Variants in SCN10A observed in about 807,000 individuals in gnomAD.
SCN10A encodes the protein sodium voltage-gated channel alpha subunit 10.
SCN10A carries 162 observed loss-of-function variants against 170.7 expected under a neutral mutation model. That is an observed-to-expected ratio of 0.95 (90% confidence interval 0.84 to 1.08). SCN10A has a LOEUF of 1.08. SCN10A is among the 50% of genes least tolerant of loss of function. The probability of loss-of-function intolerance (pLI) is 0.00; values close to 1 mark genes in which losing one functional copy is unlikely to be tolerated. For missense variants in SCN10A, 2,527 were observed against 2,436.9 expected, an observed-to-expected ratio of 1.04 and a Z score of -0.78; for synonymous variants, 985 against 904.6, an observed-to-expected ratio of 1.09 and a Z score of -1.59.
intron 15 of SCN10A, among the ~76,000 whole-genome samples, chr3:38,731,567 G>T (rs764816927): frequency 4.6e-5 from 7 of 152,164 alleles, no homozygotes; most frequent in Non-Finnish European, 1.0e-4. Context: ...ATAGCAGATA[G>T]GTAAAGAAAC....
chr3:38,746,942 G>C (rs192482373), intron 13 of SCN10A, among the ~76,000 whole-genome samples: 2 of 152,262 alleles, frequency 1.3e-5, no homozygotes, highest in East Asian at 3.9e-4. Flanking sequence ...AACTCCTGTT[G>C]GTTTGGGCCA....
At chr3:38,714,445 A>C (rs949141774) in intron 21 of SCN10A, among the ~76,000 whole-genome samples, 1 of 152,174 alleles carries the variant, frequency 6.6e-6, no homozygotes, top group Non-Finnish European at 1.5e-5. Context: ...ACTTGGAGAC[A>C]TGATGTTCCC....
intron 4 of SCN10A, among the ~76,000 whole-genome samples, chr3:38,772,796 C>T (rs28523323): frequency 2.0e-5 from 3 of 151,326 alleles, no homozygotes; most frequent in Admixed American, 6.6e-5. Context: ...AGAGGCTCCA[C>T]GTATAGAACA....
intron 23 of SCN10A, among the ~76,000 whole-genome samples, chr3:38,711,835 A>G (rs2063277180): frequency 6.6e-6 from 1 of 152,240 alleles, no homozygotes; most frequent in Non-Finnish European, 1.5e-5. Context: ...AAATGATGTG[A>G]AGTTGAAGAC....
At chr3:38,720,427 G>T (rs2063378031) in intron 20 of SCN10A, among the ~76,000 whole-genome samples, 1 of 152,218 alleles carries the variant, frequency 6.6e-6, no homozygotes, top group African/African-American at 2.4e-5. Context: ...ATGTTTTCAA[G>T]TGAGTTTCTC....
chr3:38,699,338 C>T (rs908334550), intron 27 of SCN10A, among the ~76,000 whole-genome samples: 11 of 151,900 alleles, frequency 7.2e-5, no homozygotes, highest in African/African-American at 1.2e-4. Context: ...GTATATGTCC[C>T]TCTATATGAT....
intron 12 of SCN10A, among the ~76,000 whole-genome samples, chr3:38,750,390 C>G (rs1254467574): frequency 6.6e-6 from 1 of 152,204 alleles, no homozygotes; most frequent in Non-Finnish European, 1.5e-5. Context: ...ATGCTATAGC[C>G]TTCTATACAT....
chr3:38,721,993 C>A (rs906209917), intron 20 of SCN10A, among the ~76,000 whole-genome samples: 3 of 152,148 alleles, frequency 2.0e-5, no homozygotes, highest in Admixed American at 2.0e-4. Context: ...TCAGTTTCCC[C>A]ATCTATATAG....
rs1261544821 is a variant in SCN10A, at chr3:38,727,026, T to C, written c.2667A>G (p.Leu889=). 2.5e-6 allele frequency: 4 copies of C among 1,612,542 alleles called. No homozygotes were observed. Among genetic ancestry groups the C allele is most frequent in the East Asian group, 2.2e-5 (1 of 44,822 alleles). Residue 889 remains leucine (L), a synonymous_variant, in exon 17 of 28, where the codon CTA becomes CTG. Coordinates refer to ENST00000449082, the MANE Select transcript of SCN10A (RefSeq NM_006514.4). ...GGTTGTCAGCACTGAAAGAGTTCAA[T>C]AGCAGGGCGATGAACAGGTTAAGCA... The part of the protein sequence containing the change: ...LVVLNLFIAL[L]LNSFSADNLT...
chr3:38,774,008 G>GT (rs879285503), intron 4 of SCN10A, among the ~76,000 whole-genome samples: 15 of 151,984 alleles, frequency 9.9e-5, no homozygotes, highest in South Asian at 4.2e-4. Context: ...TGAAATTGCT[G>GT]TTTTTTTTGT....
intron 1 of SCN10A, among the ~76,000 whole-genome samples, chr3:38,812,610 C>T (rs1233014668): frequency 6.6e-6 from 1 of 152,104 alleles, no homozygotes; most frequent in East Asian, 1.9e-4. Flanking sequence ...CCAGTGGCTA[C>T]CCCTCTCCTG....
chr3:38,776,295 T>C (rs1484691580), intron 4 of SCN10A, among the ~76,000 whole-genome samples: 4 of 152,128 alleles, frequency 2.6e-5, no homozygotes, highest in African/African-American at 9.6e-5. Context: ...GGCCATTCAT[T>C]ACTTACATTG....
chr3:38,711,290 A>G (rs2063271322), intron 23 of SCN10A, among the ~76,000 whole-genome samples: 1 of 152,224 alleles, frequency 6.6e-6, no homozygotes, highest in South Asian at 2.1e-4. Context: ...AGAATGGTAT[A>G]TCTTCCAGAT....
intron 4 of SCN10A, among the ~76,000 whole-genome samples, chr3:38,771,683 T>G (rs1164540635): frequency 6.6e-6 from 1 of 152,186 alleles, no homozygotes; most frequent in African/African-American, 2.4e-5. Context: ...CAGAGGGCAG[T>G]AGCGGGTGAA....
chr3:38,755,994 T>G (rs1236202581), intron 10 of SCN10A, 36 bp from the exon 11 acceptor site: 2 of 1,613,164 alleles, frequency 1.2e-6, no homozygotes, highest in African/African-American at 2.7e-5. Flanking sequence ...GCCAATAGTA[T>G]TTGCTTGGAC....
chr3:38,798,904 C>T (rs1187126429), intron 1 of SCN10A, among the ~76,000 whole-genome samples: 4 of 151,492 alleles, frequency 2.6e-5, no homozygotes. Flanking sequence ...ATCCTCCCAC[C>T]TCAGCCTCCC....
At chr3:38,813,840 C>T (rs1253160761) in intron 1 of SCN10A, among the ~76,000 whole-genome samples, 1 of 152,172 alleles carries the variant, frequency 6.6e-6, no homozygotes, top group Non-Finnish European at 1.5e-5. Flanking sequence ...AGGCAAGGGA[C>T]AGAACGTATT....
At chr3:38,814,450 G>C (rs2064459586) in intron 1 of SCN10A, among the ~76,000 whole-genome samples, 1 of 152,150 alleles carries the variant, frequency 6.6e-6, no homozygotes, top group Non-Finnish European at 1.5e-5. Flanking sequence ...ACTTGATTGG[G>C]TGCTGACAGA....
At chr3:38,737,838 CTTCT>C (rs1263991200) in intron 15 of SCN10A, among the ~76,000 whole-genome samples, 13 of 41,912 alleles carry the variant, frequency 3.1e-4, no homozygotes, top group East Asian at 1.0e-3. Context: ...CTTTCTCTTT[CTTCT>C]TTCTTTCTTT....
Sources: gnomAD v4.1 joint callset for allele counts (sites outside exome capture counted in the v4.1 genomes callset) on GRCh38, gnomAD v4.1.1 for gene constraint, MANE v1.5 for transcripts, NCBI Gene and HGNC (gene_info 2026-07-23, HGNC 2026-07-21) for gene names.